C2: variants seen among roughly 807,000 people sequenced by gnomAD.
The protein encoded by C2 is complement C2.
Under a neutral mutation model 85.2 loss-of-function variants are expected in C2, and 64 were observed. The observed-to-expected ratio is 0.75, with a 90% CI of 0.61 to 0.92. The LOEUF is 0.92. C2 is among the 40% of genes least tolerant of loss of function. The pLI is 0.00. For synonymous variants in C2, 311 were observed against 370.8 expected (o/e 0.84, Z 1.85); for missense variants, 820 against 971.6 (o/e 0.84, Z 2.07).
chr6:31,928,648 C>T (rs1769462207), intron 2 of C2, 84 bp from the exon 3 acceptor site: 5 of 1,363,100 alleles, frequency 3.7e-6, no homozygotes, highest in East Asian at 4.6e-5. Flanking sequence ...CCCATGCATT[C>T]CAGCATAAAA....
chr6:31,907,659 G>A (rs1203179133), intron 1 of C2, among the ~76,000 whole-genome samples: 1 of 149,442 alleles, frequency 6.7e-6, no homozygotes, highest in Admixed American at 6.7e-5. Flanking sequence ...GCTCACTGCA[G>A]CCTCGACCTT....
chr6:31,927,715 G>T (rs533952040), upstream of C2: 2 of 1,612,846 alleles, frequency 1.2e-6, no homozygotes, highest in Non-Finnish European at 1.7e-6. This position sits in a 1 kb window ranked among gnomAD's most constrained non-coding sequence, Gnocchi z 4.7. Flanking sequence ...TTTCCCTCCC[G>T]CGGCTCTCTA....
chr6:31,928,721 T>C lies in C2; in HGVS notation c.257-11T>C. On this transcript the variant is annotated splice_polypyrimidine_tract_variant and intron_variant, in intron 2 of 17. Transcript: ENST00000299367. ...AGTCCTATATTCCCCACCCACTTCC[T>C]CTCTCTCCAGCTGTGCGCTGTCCAG... 6.2e-7 allele frequency: 1 copy of C among 1,614,028 alleles called. No homozygotes were observed.
chr6:31,937,584 A>C (rs1344532191), intron 8 of C2, 125 bp downstream of exon 8: 1 of 1,165,852 alleles, frequency 8.6e-7, no homozygotes. Context: ...TTTTGTTTTT[A>C]GAGATGGGGC....
chr6:31,906,998 G>A (rs574663411), intron 1 of C2, among the ~76,000 whole-genome samples: 3 of 151,606 alleles, frequency 2.0e-5, no homozygotes, highest in African/African-American at 7.3e-5. Flanking sequence ...AAATTAGCTG[G>A]GCGTGGTGGT....
upstream of C2, chr6:31,900,774 G>A (rs766233364): frequency 3.1e-6 from 5 of 1,590,572 alleles, no homozygotes; most frequent in South Asian, 1.1e-5. The surrounding 1 kb of genome is among the most constrained non-coding windows in gnomAD (Gnocchi z 9.7). Flanking sequence ...TTCACTGGCC[G>A]CAGGAGTGGA....
upstream of C2, among the ~76,000 whole-genome samples, chr6:31,927,106 A>AT (rs1769318181): frequency 6.6e-6 from 1 of 152,090 alleles, no homozygotes; most frequent in Admixed American, 6.6e-5. This position sits in a 1 kb window ranked among gnomAD's most constrained non-coding sequence, Gnocchi z 4.7. Flanking sequence ...TGTTGATTTC[A>AT]TTTTTTCCAC....
At position 31,934,147 on chromosome 6, in the gene C2, C is replaced by T. The variant is rs545848135; in HGVS notation, c.716-19C>T. ...GAAGGAGGTGGGGATCTGAATCCTC[C>T]CCTTCCACATTTCTCCAGAAAGCCT... On this transcript the variant is annotated intron_variant, in intron 5 of 17. Coordinates refer to ENST00000299367, the MANE Select transcript of C2 (RefSeq NM_000063.6). 1.2e-6 allele frequency: 2 copies of T among 1,613,952 alleles called. No individual in the cohort carries two copies. The highest frequency in any genetic ancestry group is 1.7e-6 in the Non-Finnish European group (2 of 1,179,836).
At chr6:31,932,827 T>C (rs1399133436) in intron 3 of C2, among the ~76,000 whole-genome samples, 3 of 152,240 alleles carry the variant, frequency 2.0e-5, no homozygotes, top group African/African-American at 7.2e-5. Context: ...CTGGGCATCA[T>C]TGAGCACTGA....
At chr6:31,899,811 C>T, upstream of C2, 1 of 1,116,572 alleles carries the variant, frequency 9.0e-7, no homozygotes. Context: ...TCTGCTCAGC[C>T]TCCCACTCTT....
At chr6:31,932,735 A>G (rs1220566902) in intron 3 of C2, among the ~76,000 whole-genome samples, 1 of 152,304 alleles carries the variant, frequency 6.6e-6, no homozygotes, top group Non-Finnish European at 1.5e-5. Context: ...AGAGGCTGCA[A>G]TCTCGGCACT....
In C2 at chr6:31,927,990, G is replaced by A. The variant is rs745474379; in HGVS notation, c.82G>A (p.Val28Met). 8 of 1,614,148 alleles carry A rather than the reference G, an allele frequency of 5.0e-6. No individual in the cohort carries two copies. Among genetic ancestry groups the A allele is most frequent in the East Asian group, 2.2e-5 (1 of 44,876 alleles). ...ADSAPSCPQN[V>M]NISGGTFTLS... ...CTCGGCTCCCTCCTGCCCTCAGAAC[G>A]TGAATATCTCGGGTGGCACCTTCAC... Residue 28 changes from valine to methionine, a missense_variant, in exon 2 of 18, where the codon GTG (valine) becomes ATG (methionine). Physicochemically the swap from Val to Met is conservative, Grantham distance 21. Transcript: ENST00000299367. The surrounding 1 kb of genome is among the most constrained non-coding windows in gnomAD (Gnocchi z 4.7).
chr6:31,927,375 C>G (rs1769335506), upstream of C2: 3 of 551,846 alleles, frequency 5.4e-6, no homozygotes, highest in Admixed American at 4.3e-5. The surrounding 1 kb of genome is among the most constrained non-coding windows in gnomAD (Gnocchi z 4.7). Context: ...ACTATTCACA[C>G]AAGAGCAAGG....
upstream of C2, among the ~76,000 whole-genome samples, chr6:31,925,949 C>T (rs1232946025): frequency 1.3e-5 from 2 of 152,162 alleles, no homozygotes; most frequent in Non-Finnish European, 1.5e-5. Flanking sequence ...TCTGTCATCC[C>T]CAGCATGTTG....
In C2 at chr6:31,928,009, C is replaced by A. The variant is rs769289608; in HGVS notation, c.101C>A (p.Thr34Asn). ...CPQNVNISGGTFTLSHGWAPG... is the reference protein window; with the variant it reads ...CPQNVNISGGNFTLSHGWAPG... ...CAGAACGTGAATATCTCGGGTGGCA[C>A]CTTCACCCTCAGCCATGGCTGGGCT... The change falls in exon 2 of 18, where the codon ACC (threonine) becomes AAC (asparagine). Residue 34 changes from threonine (T) to asparagine (N), a missense_variant. By Grantham distance (65) the Thr-to-Asn change is moderately conservative. Transcript: ENST00000299367. 1 of 1,614,184 alleles carries A rather than the reference C, an allele frequency of 6.2e-7. No individual in the cohort carries two copies. Among genetic ancestry groups the A allele is most frequent in the African/African-American group, 1.3e-5 (1 of 75,040 alleles).
chr6:31,926,683 G>A (rs887807266), upstream of C2, among the ~76,000 whole-genome samples: 3 of 151,474 alleles, frequency 2.0e-5, no homozygotes, highest in Admixed American at 1.3e-4. Context: ...TGCCCAGGCT[G>A]GAGTGCAGTG....
At chr6:31,918,765 T>TTA (rs1768740324), upstream of C2, among the ~76,000 whole-genome samples, 1 of 150,478 alleles carries the variant, frequency 6.6e-6, no homozygotes, top group Non-Finnish European at 1.5e-5. Context: ...CTGGGTGTAG[T>TTA]GGCGGGCACC....
rs141487807 is a variant in C2 at position 31,944,789 on chromosome 6, C to T, written c.1965C>T (p.Val655=). 82 of 1,613,078 alleles carry T rather than the reference C, an allele frequency of 5.1e-5. No individual in the cohort carries two copies. In the African/African-American group the frequency reaches 1.0e-3, roughly 20 times the overall value. Residue 655 remains valine (V), a synonymous_variant, in exon 16 of 18, where the codon GTC becomes GTT. Transcript: ENST00000299367. This position sits in a 1 kb window ranked among gnomAD's most constrained non-coding sequence, Gnocchi z 5.1. ...EKTMFPNLTD[V]REVVTDQFLC... Reference sequence around the variant, plus strand: ...CCATGTTCCCCAACTTGACAGATGTCAGGGAGGTGGTGACAGACCAGTTCC... The same window carrying T: ...CCATGTTCCCCAACTTGACAGATGTTAGGGAGGTGGTGACAGACCAGTTCC...
intron 7 of C2, 58 bp downstream of exon 7, chr6:31,936,119 C>T: frequency 6.3e-7 from 1 of 1,586,174 alleles, no homozygotes; most frequent in South Asian, 1.1e-5. Flanking sequence ...CTCTCAGGGC[C>T]TGCAAACAAA....
Sources: allele counts gnomAD v4.1 joint callset (sites outside exome capture counted in the v4.1 genomes callset), GRCh38; gene constraint gnomAD v4.1.1; non-coding constraint Gnocchi (gnomAD v3.1); transcripts MANE v1.5; gene names NCBI Gene and HGNC (gene_info 2026-07-23, HGNC 2026-07-21).